PACRG: variants seen among roughly 807,000 people sequenced by gnomAD.
PACRG encodes parkin coregulated gene protein.
In PACRG, 29 loss-of-function variants were observed where a neutral mutation model predicts 29.7. The ratio of observed to expected loss-of-function variants is 0.98; its 90% CI spans 0.73 to 1.33. PACRG has a LOEUF of 1.33. PACRG is among the 40% of genes most tolerant of loss of function. The probability of loss-of-function intolerance (pLI) is 0.00; values close to 1 mark genes in which losing one functional copy is unlikely to be tolerated. For synonymous variants in PACRG, 116 were observed against 118.7 expected, an observed-to-expected ratio of 0.98 and a Z score of 0.15; for missense variants, 279 against 316.2, an observed-to-expected ratio of 0.88 and a Z score of 0.89.
chr6:162,937,394 T>C (rs920183804), intron 2 of PACRG, among the ~76,000 whole-genome samples: 1 of 152,172 alleles, frequency 6.6e-6, no homozygotes, highest in Non-Finnish European at 1.5e-5. Context: ...AAGGGAGTGC[T>C]AAGAACAAAA....
chr6:163,211,234 G>A (rs1417208781), intron 4 of PACRG, among the ~76,000 whole-genome samples: 1 of 152,104 alleles, frequency 6.6e-6, no homozygotes, highest in Non-Finnish European at 1.5e-5. Context: ...TGTAAATTAT[G>A]CAACTGTCTC....
chr6:162,780,920 A>G (rs1315749374), intron 1 of PACRG, among the ~76,000 whole-genome samples: 6 of 152,090 alleles, frequency 3.9e-5, no homozygotes, highest in Non-Finnish European at 4.4e-5. Context: ...AATTGACCTA[A>G]TATACATGTA....
chr6:162,730,063 C>CT (rs1554267987), intron 1 of PACRG, among the ~76,000 whole-genome samples: 82 of 145,930 alleles, frequency 5.6e-4, no homozygotes, highest in African/African-American at 2.0e-3. Flanking sequence ...AACTGTCTCT[C>CT]TTTTTTTTTT....
chr6:162,889,216 A>G (rs76305182), intron 2 of PACRG, among the ~76,000 whole-genome samples: 2 of 152,142 alleles, frequency 1.3e-5, no homozygotes, highest in African/African-American at 2.4e-5. Flanking sequence ...ATGTTATTCT[A>G]TAATATACTT....
At chr6:162,965,010 G>T (rs1485307526) in intron 2 of PACRG, among the ~76,000 whole-genome samples, 1 of 152,206 alleles carries the variant, frequency 6.6e-6, no homozygotes, top group East Asian at 1.9e-4. Flanking sequence ...TCGCTGAGCT[G>T]TTATCTGGAA....
chr6:163,188,571 C>G lies in PACRG; in HGVS notation c.613+99163C>G, dbSNP rs540994957. The stretch of plus-strand genomic sequence containing the variant: ...TAGAGGTCACACCAAGGGTTTGGTC[C>G]GTGAGTGAGAAGGTCGTCTCCAGCC... On this transcript the variant is annotated intron_variant, in intron 4 of 4. Transcript: ENST00000366888. Among the ~76,000 whole-genome samples the G allele has an allele frequency of 2.6e-5, 4 of 152,262 alleles. No individual in the cohort carries two copies. The South Asian group carries it at 8.3e-4, about 32-fold the overall frequency.
intron 4 of PACRG, among the ~76,000 whole-genome samples, chr6:163,287,296 T>C (rs1784435196): frequency 6.6e-6 from 1 of 152,088 alleles, no homozygotes; most frequent in Non-Finnish European, 1.5e-5. Flanking sequence ...CTTTGCAAAA[T>C]CTGAACAACG....
intron 2 of PACRG, among the ~76,000 whole-genome samples, chr6:162,919,444 C>A (rs1248824032): frequency 6.6e-6 from 1 of 152,146 alleles, no homozygotes; most frequent in Non-Finnish European, 1.5e-5. Context: ...TGATTTGAGC[C>A]ATGCTCCAGA....
In PACRG at chr6:162,947,342, A is replaced by ATATATATCATAT. The variant is rs1388762226; in HGVS notation, c.292-114808_292-114807insTATATATCATAT. On this transcript the variant is annotated intron_variant, in intron 2 of 4. Coordinates refer to ENST00000366888, the MANE Select transcript of PACRG (RefSeq NM_001080379.2). ...ATATAATACATATAATCATATATAT[A>ATATATATCATAT]ATGATTACATATATATAATGTAATC... Among the ~76,000 whole-genome samples, 35 of 13,384 alleles carry ATATATATCATAT rather than the reference A, an allele frequency of 2.6e-3. 1 individual carries two copies. The highest frequency in any genetic ancestry group is 4.2e-3 in the African/African-American group (35 of 8,398). 8.8% of individuals were successfully genotyped at this position (13,384 alleles called of 152,430 possible). A position where few individuals can be genotyped will look rare whatever the true frequency, so the allele number is the denominator to read the frequency against.
intron 3 of PACRG, among the ~76,000 whole-genome samples, chr6:163,071,581 A>G (rs575506725): frequency 7.2e-5 from 11 of 152,068 alleles, no homozygotes; most frequent in South Asian, 4.1e-4. Context: ...GGCTACATCA[A>G]AAAAGAAAAA....
intron 2 of PACRG, among the ~76,000 whole-genome samples, chr6:162,893,438 C>T (rs1217678450): frequency 1.2e-4 from 19 of 152,272 alleles, no homozygotes; most frequent in Admixed American, 1.2e-3. Context: ...ACCAGCAGAT[C>T]AGGAGGCTAC....
chr6:162,999,463 C>T (rs140163954), intron 2 of PACRG, among the ~76,000 whole-genome samples: 1 of 152,268 alleles, frequency 6.6e-6, no homozygotes, highest in Non-Finnish European at 1.5e-5. Context: ...ATGCCAGAGC[C>T]CTGCTCTTAG....
intron 2 of PACRG, among the ~76,000 whole-genome samples, chr6:162,878,859 T>A (rs188365424): frequency 2.0e-5 from 3 of 152,342 alleles, no homozygotes; most frequent in Admixed American, 6.5e-5. Context: ...AGTGAATAAC[T>A]ATGGTGACAA....
At position 162,759,111 on chromosome 6, in the gene PACRG, G is replaced by C. The variant is rs937275825; in HGVS notation, c.156+30720G>C. Among the ~76,000 whole-genome samples the C allele has an allele frequency of 2.6e-5, 4 of 152,198 alleles. No homozygotes were observed. In the South Asian group the frequency reaches 6.2e-4, roughly 24 times the overall value. On this transcript the variant is annotated intron_variant, in intron 1 of 4. Coordinates refer to ENST00000366888, the MANE Select transcript of PACRG (RefSeq NM_001080379.2). ...AAAGTGGGTGGAGGAACATTCATCTGATGAGGAGAAGCAGCTCCCTAGAAC... is the reference window on the plus strand; with the variant it reads ...AAAGTGGGTGGAGGAACATTCATCTCATGAGGAGAAGCAGCTCCCTAGAAC...
intron 4 of PACRG, among the ~76,000 whole-genome samples, chr6:163,241,883 G>A (rs199636387): frequency 4.6e-5 from 7 of 152,154 alleles, no homozygotes; most frequent in East Asian, 3.9e-4. Flanking sequence ...TCCAGCCCCC[G>A]TCTGGCATTC....
intron 2 of PACRG, among the ~76,000 whole-genome samples, chr6:163,026,565 AT>A (rs1370242441): frequency 6.6e-6 from 1 of 152,214 alleles, no homozygotes; most frequent in African/African-American, 2.4e-5. Context: ...GTGTCCTTAA[AT>A]ACATGTTGGT....
intron 1 of PACRG, among the ~76,000 whole-genome samples, chr6:162,745,185 T>C (rs972546087): frequency 5.9e-5 from 9 of 152,308 alleles, no homozygotes; most frequent in Middle Eastern, 3.4e-3. Context: ...ATGTGCCATA[T>C]ATACACTACT....
At position 163,004,701 on chromosome 6, in the gene PACRG, AGTGTGTGT is replaced by A. The variant is rs374627693; in HGVS notation, c.292-57430_292-57423del. 4.6e-5 allele frequency among the ~76,000 whole-genome samples: 6 copies of A among 131,484 alleles called. No homozygotes were observed. The East Asian group carries it at 9.5e-4, about 21-fold the overall frequency. The allele number at this position is 131,484 out of a possible 152,430, so 86.3% of individuals were successfully genotyped here. On this transcript the variant is annotated intron_variant, in intron 2 of 4. Coordinates refer to ENST00000366888, the MANE Select transcript of PACRG (RefSeq NM_001080379.2). ...CCATATCAAATGTATACAAAGTTCT[AGTGTGTGT>A]GTGTGTGTGTGTGTGTGTATATATA...
At chr6:163,302,430 A>C (rs1785041187) in intron 4 of PACRG, among the ~76,000 whole-genome samples, 1 of 152,176 alleles carries the variant, frequency 6.6e-6, no homozygotes, top group South Asian at 2.1e-4. Flanking sequence ...AAGCTGATAA[A>C]GGCTGATAGC....
Sources: gnomAD v4.1 joint callset for allele counts (sites outside exome capture counted in the v4.1 genomes callset) on GRCh38, gnomAD v4.1.1 for gene constraint, MANE v1.5 for transcripts, NCBI Gene and HGNC (gene_info 2026-07-23, HGNC 2026-07-21) for gene names.